RPTOR: variants seen among roughly 807,000 people sequenced by gnomAD.
RPTOR encodes the protein regulatory-associated protein of mTOR.
In RPTOR, 21 loss-of-function variants were observed where a neutral mutation model predicts 169.9. The ratio of observed to expected loss-of-function variants is 0.12; its 90% CI spans 0.09 to 0.18. RPTOR has a LOEUF of 0.18. Among genes scored for constraint, RPTOR ranks in the 10% least tolerant of loss-of-function variants. RPTOR has a pLI of 1.00. For missense variants in RPTOR, 1,133 were observed against 1,855.9 expected (o/e 0.61, Z 7.16); for synonymous variants, 732 against 753.2 (o/e 0.97, Z 0.46).
At chr17:80,922,944 C>A in intron 22 of RPTOR, 117 bp downstream of exon 22, 1 of 801,954 alleles carries the variant, frequency 1.2e-6, no homozygotes, top group South Asian at 1.7e-5. Flanking sequence ...TTGGCTTCGT[C>A]TCCTCCCCCC....
chr17:80,954,244 C>G (rs1368529584), intron 28 of RPTOR, among the ~76,000 whole-genome samples: 1 of 152,212 alleles, frequency 6.6e-6, no homozygotes, highest in Non-Finnish European at 1.5e-5. Context: ...GCCTCAGCCT[C>G]CCAAGTAGTT....
chr17:80,624,717 A>G (rs901078463), intron 1 of RPTOR, among the ~76,000 whole-genome samples: 2 of 152,236 alleles, frequency 1.3e-5, no homozygotes, highest in Non-Finnish European at 2.9e-5. Context: ...ATCTTGTATC[A>G]TATACCAGAA....
Position 80,730,816 on chromosome 17 carries a change from G to C in RPTOR, c.654+110G>C, listed in dbSNP as rs2066385548. On this transcript the variant is annotated intron_variant, in intron 5 of 33. Transcript: ENST00000306801. The surrounding 1 kb of genome is among the most constrained non-coding windows in gnomAD (Gnocchi z 4.2). ...TGTTGGACATCCTCTGAATGGAGCAGGGCTCAGAATGCCAAGGGCAGGATG... is the reference window on the plus strand; with the variant it reads ...TGTTGGACATCCTCTGAATGGAGCACGGCTCAGAATGCCAAGGGCAGGATG... 8.9e-7 allele frequency: 1 copy of C among 1,120,038 alleles called. No homozygotes were observed. The highest frequency in any genetic ancestry group is 1.3e-6 in the Non-Finnish European group (1 of 774,070). The allele number at this position is 1,120,038 out of a possible 1,614,324, so 69.4% of individuals were successfully genotyped here. A position where few individuals can be genotyped will look rare whatever the true frequency, so the allele number is the denominator to read the frequency against.
At chr17:80,631,021 G>A (rs558006427) in intron 2 of RPTOR, among the ~76,000 whole-genome samples, 3 of 152,300 alleles carry the variant, frequency 2.0e-5, no homozygotes, top group South Asian at 2.1e-4. Flanking sequence ...GATGGCAAAC[G>A]TCTGCCTCGA....
chr17:80,609,552 C>T lies in RPTOR; in HGVS notation c.163-16139C>T, dbSNP rs908917677. On this transcript the variant is annotated intron_variant, in intron 1 of 33. Coordinates refer to ENST00000306801, the MANE Select transcript of RPTOR (RefSeq NM_020761.3). This position sits in a 1 kb window ranked among gnomAD's most constrained non-coding sequence, Gnocchi z 4.8. ...TTTGAAGTCATAGTTCGAGACCAGC[C>T]TGGCCAACATGGTGAAACCCCATCT... Among the ~76,000 whole-genome samples, 1 of 152,146 alleles carries T rather than the reference C, an allele frequency of 6.6e-6. No individual in the cohort carries two copies. The highest frequency in any genetic ancestry group is 2.4e-5 in the African/African-American group (1 of 41,412).
Position 80,892,780 on chromosome 17 carries a change from G to A in RPTOR, c.2153G>A (p.Arg718His), listed in dbSNP as rs201330391. 1.4e-5 allele frequency: 23 copies of A among 1,614,058 alleles called. No homozygotes were observed. The highest frequency in any genetic ancestry group is 2.7e-5 in the African/African-American group (2 of 74,904). ...VRDSPCTPRLRSVSSYGNIRA... is the reference protein window; with the variant it reads ...VRDSPCTPRLHSVSSYGNIRA... ...GACAGCCCGTGCACCCCCAGACTTCGTTCTGTGAGCTCCTATGGAAACATC... is the reference window on the plus strand; with the variant it reads ...GACAGCCCGTGCACCCCCAGACTTCATTCTGTGAGCTCCTATGGAAACATC... The change falls in exon 19 of 34, where the codon CGT becomes CAT. Residue 718 changes from arginine to histidine, a missense_variant. Around this residue, in one of 9 missense-constraint regions of RPTOR, gnomAD observed 150 missense variants for 206.4 expected, o/e 0.73. Transcript: ENST00000306801.
chr17:80,593,017 G>T (rs564349451), intron 1 of RPTOR, among the ~76,000 whole-genome samples: 2 of 152,174 alleles, frequency 1.3e-5, no homozygotes, highest in African/African-American at 4.8e-5. Flanking sequence ...CCTTCTGCAC[G>T]TGTTTTTACC....
intron 7 of RPTOR, among the ~76,000 whole-genome samples, chr17:80,811,655 C>A (rs1461897844): frequency 3.3e-5 from 5 of 150,846 alleles, no homozygotes; most frequent in Non-Finnish European, 5.9e-5. Flanking sequence ...AAGGCCTCAA[C>A]CTCACTGTAC....
At chr17:80,670,969 C>T (rs904581559) in intron 3 of RPTOR, among the ~76,000 whole-genome samples, 3 of 152,174 alleles carry the variant, frequency 2.0e-5, no homozygotes, top group Non-Finnish European at 2.9e-5. Context: ...TTATCCTCGC[C>T]GGGGTCAGTG....
chr17:80,893,940 T>G lies in RPTOR; in HGVS notation c.2401+75T>G, dbSNP rs2068366409. 5 of 1,376,780 alleles carry G rather than the reference T, an allele frequency of 3.6e-6. No individual in the cohort carries two copies. In the South Asian group the frequency reaches 7.8e-5, roughly 21 times the overall value. 85.3% of individuals were successfully genotyped at this position (1,376,780 alleles called of 1,614,324 possible). Reference sequence around the variant, plus strand: ...CCCCACACAGAGCAGCACAGACCTGTGTCTGCATCAGGTCAGTGGGTGTCA... The same window carrying G: ...CCCCACACAGAGCAGCACAGACCTGGGTCTGCATCAGGTCAGTGGGTGTCA... On this transcript the variant is annotated intron_variant, in intron 20 of 33. Coordinates refer to ENST00000306801, the MANE Select transcript of RPTOR (RefSeq NM_020761.3).
intron 6 of RPTOR, among the ~76,000 whole-genome samples, chr17:80,765,710 C>T (rs2066779839): frequency 1.3e-5 from 2 of 152,174 alleles, no homozygotes; most frequent in Admixed American, 1.3e-4. Context: ...CCATGATTTC[C>T]TTCCTGGGGC....
intron 6 of RPTOR, among the ~76,000 whole-genome samples, chr17:80,770,164 C>T (rs1038695347): frequency 6.6e-6 from 1 of 152,204 alleles, no homozygotes; most frequent in African/African-American, 2.4e-5. Flanking sequence ...CTGCTGCATC[C>T]TCACATAGCA....
intron 4 of RPTOR, among the ~76,000 whole-genome samples, chr17:80,715,661 T>A (rs2066233594): frequency 3.9e-5 from 6 of 152,068 alleles, no homozygotes; most frequent in Admixed American, 3.9e-4. Context: ...GAAGAAGTTC[T>A]TTAGTGGTAA....
At chr17:80,586,090 C>T (rs756344806) in intron 1 of RPTOR, among the ~76,000 whole-genome samples, 2 of 151,980 alleles carry the variant, frequency 1.3e-5, no homozygotes, top group Non-Finnish European at 2.9e-5. Context: ...ATGGAGGGGC[C>T]GCTAGGCAGG....
intron 14 of RPTOR, among the ~76,000 whole-genome samples, chr17:80,882,498 G>A (rs1211327169): frequency 6.6e-6 from 1 of 152,230 alleles, no homozygotes; most frequent in African/African-American, 2.4e-5. Context: ...GGGGACAGGG[G>A]AGCCCTCGGC....
At position 80,618,465 on chromosome 17, in the gene RPTOR, C is replaced by G. The variant is rs540149060; in HGVS notation, c.163-7226C>G. Among the ~76,000 whole-genome samples, 15 of 152,274 alleles carry G rather than the reference C, an allele frequency of 9.9e-5. No homozygotes were observed. The East Asian group carries it at 2.3e-3, about 24-fold the overall frequency. On this transcript the variant is annotated intron_variant, in intron 1 of 33. Coordinates refer to ENST00000306801, the MANE Select transcript of RPTOR (RefSeq NM_020761.3). ...GTTGGAACTAAACTCATACCAAGTCCCTTGTGCAGTTTGCGTGGTGCAGGA... is the reference window on the plus strand; with the variant it reads ...GTTGGAACTAAACTCATACCAAGTCGCTTGTGCAGTTTGCGTGGTGCAGGA...
chr17:80,922,046 C>T (rs1310224585), intron 21 of RPTOR, among the ~76,000 whole-genome samples: 2 of 152,204 alleles, frequency 1.3e-5, no homozygotes, highest in African/African-American at 4.8e-5. Context: ...AGAGCCCAAG[C>T]CCCCTGCAGT....
At chr17:80,564,472 A>G (rs890205585) in intron 1 of RPTOR, among the ~76,000 whole-genome samples, 131 of 151,786 alleles carry the variant, frequency 8.6e-4, no homozygotes, top group African/African-American at 2.8e-3. Flanking sequence ...ATTTTATTTT[A>G]TTTTTTCATA....
intron 9 of RPTOR, among the ~76,000 whole-genome samples, chr17:80,831,298 G>A (rs1050189988): frequency 6.6e-6 from 1 of 152,176 alleles, no homozygotes; most frequent in Admixed American, 6.5e-5. Flanking sequence ...CGGAGGCTGA[G>A]ACGATTCCTC....
Sources: gnomAD v4.1 joint callset for allele counts (sites outside exome capture counted in the v4.1 genomes callset) on GRCh38, gnomAD v4.1.1 for gene constraint, gnomAD v4.1.1 regional missense constraint, Gnocchi (gnomAD v3.1) non-coding constraint, MANE v1.5 for transcripts, NCBI Gene and HGNC (gene_info 2026-07-23, HGNC 2026-07-21) for gene names.